ITPR1: variants seen among roughly 807,000 people sequenced by gnomAD.
ITPR1 encodes the protein inositol 1,4,5-trisphosphate receptor type 1, also known as inositol 1,4,5-trisphosphate-gated calcium channel ITPR1.
Under a neutral mutation model 318.4 loss-of-function variants are expected in ITPR1, and 96 were observed. The ratio of observed to expected loss-of-function variants is 0.30; its 90% CI spans 0.26 to 0.36. The LOEUF is 0.36. ITPR1 is among the 10% of genes least tolerant of loss of function. The pLI is 1.00. For missense variants in ITPR1, 2,440 were observed against 3,460.2 expected (o/e 0.71, Z 7.40); for synonymous variants, 1,312 against 1,289.9 (o/e 1.02, Z -0.37).
At chr3:4,640,998 G>A (rs1196861589) in intron 6 of ITPR1, among the ~76,000 whole-genome samples, 1 of 152,164 alleles carries the variant, frequency 6.6e-6, no homozygotes, top group Non-Finnish European at 1.5e-5. Flanking sequence ...GGATCAGACA[G>A]GTTATTCTTC....
At chr3:4,705,334 A>G (rs898371191) in intron 36 of ITPR1, among the ~76,000 whole-genome samples, 3 of 152,252 alleles carry the variant, frequency 2.0e-5, no homozygotes, top group African/African-American at 7.2e-5. Context: ...CGTTGTCAGC[A>G]TCTTACATTA....
At position 4,843,987 on chromosome 3, in the gene ITPR1, T is replaced by G. The variant is rs369459900; in HGVS notation, c.8191-2152T>G. ...AAAAGGTCATCTCAAATACAAGTAG[T>G]TATTTAAAGCAAAATTACAGGGGAA... On this transcript the variant is annotated intron_variant, in intron 61 of 61. Transcript: ENST00000649015. Among the ~76,000 whole-genome samples, 4 of 152,322 alleles carry G rather than the reference T, an allele frequency of 2.6e-5. No homozygotes were observed. In the South Asian group the frequency reaches 8.3e-4, roughly 32 times the overall value.
At chr3:4,674,409 A>C (rs2094145569) in intron 22 of ITPR1, 66 bp downstream of exon 22, 2 of 1,343,574 alleles carry the variant, frequency 1.5e-6, no homozygotes, top group South Asian at 1.4e-5. Context: ...CTATGGGGCA[A>C]ATAGAAAATA....
chr3:4,622,783 A>C (rs149060169), intron 4 of ITPR1, among the ~76,000 whole-genome samples: 4 of 152,374 alleles, frequency 2.6e-5, no homozygotes, highest in Non-Finnish European at 5.9e-5. Context: ...AAGTGACTTC[A>C]GTGGACATAT....
chr3:4,690,662 T>C (rs2094466594), intron 31 of ITPR1, among the ~76,000 whole-genome samples: 1 of 152,186 alleles, frequency 6.6e-6, no homozygotes, highest in Non-Finnish European at 1.5e-5. Context: ...GTATTTATAA[T>C]ACTAGGAATG....
intron 4 of ITPR1, among the ~76,000 whole-genome samples, chr3:4,622,449 G>A (rs1456513663): frequency 6.7e-6 from 1 of 149,210 alleles, no homozygotes; most frequent in Admixed American, 6.7e-5. Context: ...TTTTGAGATG[G>A]AGTCTTGCTC....
At chr3:4,766,815 G>T in intron 45 of ITPR1, 105 bp downstream of exon 45, 1 of 911,916 alleles carries the variant, frequency 1.1e-6, no homozygotes, top group African/African-American at 1.7e-5. Flanking sequence ...GCATTATGAT[G>T]GGAGCTTTCA....
chr3:4,626,505 G>A (rs1383395732), intron 4 of ITPR1, among the ~76,000 whole-genome samples: 1 of 152,108 alleles, frequency 6.6e-6, no homozygotes, highest in African/African-American at 2.4e-5. Context: ...TAAGGGAAGG[G>A]TTGGTTCTGC....
At chr3:4,805,953 G>A in intron 54 of ITPR1, 150 bp from the exon 55 acceptor site, 1 of 617,326 alleles carries the variant, frequency 1.6e-6, no homozygotes, top group Non-Finnish European at 2.8e-6. Flanking sequence ...CTGCAAATGG[G>A]TCTTGGCGGG....
chr3:4,508,133 A>G (rs2081525223), intron 2 of ITPR1, among the ~76,000 whole-genome samples: 1 of 152,142 alleles, frequency 6.6e-6, no homozygotes, highest in African/African-American at 2.4e-5. Context: ...GAAGGGTTTC[A>G]TTTAAGGTCA....
intron 36 of ITPR1, among the ~76,000 whole-genome samples, chr3:4,705,644 A>G (rs2094741438): frequency 6.6e-6 from 1 of 152,188 alleles, no homozygotes; most frequent in Non-Finnish European, 1.5e-5. Flanking sequence ...TGTTTGTCTC[A>G]TGCTTAGACT....
chr3:4,819,635 C>A (rs533179608), intron 60 of ITPR1, among the ~76,000 whole-genome samples: 2 of 152,262 alleles, frequency 1.3e-5, no homozygotes, highest in African/African-American at 4.8e-5. Context: ...TTGTAAAATC[C>A]TCTCACCTCT....
At chr3:4,835,688 C>T (rs1385091961) in intron 60 of ITPR1, among the ~76,000 whole-genome samples, 2 of 152,112 alleles carry the variant, frequency 1.3e-5, no homozygotes, top group Non-Finnish European at 2.9e-5. Context: ...AGTTTTCTTC[C>T]CCCTGTCTCA....
At chr3:4,687,220 C>A (rs530139271) in intron 30 of ITPR1, among the ~76,000 whole-genome samples, 1 of 152,334 alleles carries the variant, frequency 6.6e-6, no homozygotes, top group African/African-American at 2.4e-5. Flanking sequence ...TCCCTCTCTA[C>A]CCACAAAGCC....
chr3:4,550,261 G>C (rs1215077010), intron 4 of ITPR1, among the ~76,000 whole-genome samples: 2 of 152,124 alleles, frequency 1.3e-5, no homozygotes. Flanking sequence ...TTAGACTCAA[G>C]GGCCACAGCA....
intron 54 of ITPR1, among the ~76,000 whole-genome samples, chr3:4,803,377 G>A (rs1203725147): frequency 6.6e-6 from 1 of 152,170 alleles, no homozygotes; most frequent in Non-Finnish European, 1.5e-5. Context: ...AGGCAAATAT[G>A]ACTCCAAATT....
At chr3:4,721,170 G>GTATATATATA (rs1204537563) in intron 40 of ITPR1, among the ~76,000 whole-genome samples, 1 of 13,564 alleles carries the variant, frequency 7.4e-5, no homozygotes. Flanking sequence ...GTGTGTGTGC[G>GTATATATATA]TGTATATATA....
At position 4,568,340 on chromosome 3, in the gene ITPR1, A is replaced by G. The variant is rs1163294541; in HGVS notation, c.163+47246A>G. Among the ~76,000 whole-genome samples, 5 of 152,140 alleles carry G rather than the reference A, an allele frequency of 3.3e-5. No individual in the cohort carries two copies. The East Asian group carries it at 9.6e-4, about 29-fold the overall frequency. Reference sequence around the variant, plus strand: ...CTTTTTCTATTTTAACTTCTCTTTTATTCTTCTCCCCTTTGCTCACTCCAC... The same window carrying G: ...CTTTTTCTATTTTAACTTCTCTTTTGTTCTTCTCCCCTTTGCTCACTCCAC... On this transcript the variant is annotated intron_variant, in intron 4 of 61. Transcript: ENST00000649015.
At chr3:4,617,478 G>C (rs1008149167) in intron 4 of ITPR1, among the ~76,000 whole-genome samples, 11 of 152,166 alleles carry the variant, frequency 7.2e-5, no homozygotes, top group Admixed American at 7.2e-4. Flanking sequence ...AAGCTCTTGT[G>C]TTGAGGCATT....
Sources: allele counts gnomAD v4.1 joint callset (sites outside exome capture counted in the v4.1 genomes callset), GRCh38; gene constraint gnomAD v4.1.1; transcripts MANE v1.5; gene names NCBI Gene and HGNC (gene_info 2026-07-23, HGNC 2026-07-21).